The following RGS22 variants were observed in gnomAD, a reference collection of about 807,000 sequenced individuals.
RGS22 encodes regulator of G protein signaling 22, also known as regulator of G-protein signaling 22.
RGS22 carries 148 observed loss-of-function variants against 172.9 expected under a neutral mutation model. The observed-to-expected ratio is 0.86, with a 90% CI of 0.75 to 0.98. The LOEUF (loss-of-function observed/expected upper bound fraction) is 0.98, where lower values mean the gene tolerates loss of function less well. Among genes scored for constraint, RGS22 ranks in the 50% least tolerant of loss-of-function variants. The probability of loss-of-function intolerance (pLI) is 0.00; values close to 1 mark genes in which losing one functional copy is unlikely to be tolerated. For missense variants in RGS22, 1,347 were observed against 1,440.8 expected, an observed-to-expected ratio of 0.93 and a Z score of 1.05; for synonymous variants, 458 against 480.2, an observed-to-expected ratio of 0.95 and a Z score of 0.60.
At chr8:100,045,217 G>A (rs930713800) in intron 11 of RGS22, among the ~76,000 whole-genome samples, 4 of 151,604 alleles carry the variant, frequency 2.6e-5, no homozygotes, top group African/African-American at 9.7e-5. Flanking sequence ...AAGGCTGCAC[G>A]CCATAGCACT....
chr8:100,076,605 G>A (rs906538945), intron 4 of RGS22, among the ~76,000 whole-genome samples: 5 of 152,172 alleles, frequency 3.3e-5, no homozygotes, highest in African/African-American at 9.7e-5. Context: ...TTTGTGGCAC[G>A]ATTTTAAACT....
intron 7 of RGS22, among the ~76,000 whole-genome samples, chr8:100,065,658 C>T (rs1356095662): frequency 1.3e-5 from 2 of 152,096 alleles, no homozygotes; most frequent in South Asian, 2.1e-4. Flanking sequence ...AAGCTCCCCA[C>T]AGTAGAAATT....
intron 14 of RGS22, among the ~76,000 whole-genome samples, chr8:100,031,627 T>A (rs1234715615): frequency 6.6e-6 from 1 of 152,130 alleles, no homozygotes; most frequent in Non-Finnish European, 1.5e-5. Context: ...ATACGTTTAC[T>A]TATTTTTATT....
intron 23 of RGS22, among the ~76,000 whole-genome samples, chr8:99,975,303 AGTG>A (rs1230915391): frequency 6.6e-6 from 1 of 152,192 alleles, no homozygotes; most frequent in Non-Finnish European, 1.5e-5. Flanking sequence ...ATCTGTTTGC[AGTG>A]GTGACAGAAT....
In RGS22 at chr8:100,066,280, G is replaced by C. The variant is rs780532532; in HGVS notation, c.611C>G (p.Thr204Arg). The C allele has an allele frequency of 6.2e-7, 1 of 1,613,152 alleles. No individual in the cohort carries two copies. The highest frequency in any genetic ancestry group is 8.5e-7 in the Non-Finnish European group (1 of 1,179,296). Reference sequence around the variant, plus strand: ...TTTTGCTAATGCAAACCAATCTTTTGTTTGAGTATAGGAAGCCTAGGAAGA... The same window carrying C: ...TTTTGCTAATGCAAACCAATCTTTTCTTTGAGTATAGGAAGCCTAGGAAGA... ...VSLGEASYTQ[T>R]KDWFALAKQS... Residue 204 changes from threonine to arginine, a missense_variant, in exon 7 of 28, where the codon ACA becomes AGA. Coordinates refer to ENST00000360863, the MANE Select transcript of RGS22 (RefSeq NM_015668.5).
At chr8:100,017,107 CTT>C (rs1379048841) in intron 14 of RGS22, among the ~76,000 whole-genome samples, 2 of 145,114 alleles carry the variant, frequency 1.4e-5, no homozygotes, top group Non-Finnish European at 3.0e-5. Flanking sequence ...AAGCAATCCT[CTT>C]GTCAACTTTC....
In RGS22 at chr8:99,961,013, T is replaced by C. The variant is rs563413236; in HGVS notation, c.*229A>G. 3 of 300,162 alleles carry C rather than the reference T, an allele frequency of 1.0e-5. No individual in the cohort carries two copies. The highest frequency in any genetic ancestry group is 1.7e-4 in the East Asian group (2 of 11,736). 18.6% of individuals were successfully genotyped at this position (300,162 alleles called of 1,614,324 possible). A position where few individuals can be genotyped will look rare whatever the true frequency, so the allele number is the denominator to read the frequency against. ...AGTTCTTATAGTCTTGTATGTCATGTGTACAGAATAGCTATAATTTTAAAA... is the reference window on the plus strand; with the variant it reads ...AGTTCTTATAGTCTTGTATGTCATGCGTACAGAATAGCTATAATTTTAAAA... On this transcript the variant is annotated 3_prime_UTR_variant, in exon 28 of 28. Coordinates refer to ENST00000360863, the MANE Select transcript of RGS22 (RefSeq NM_015668.5).
rs150724631 is a variant in RGS22, at chr8:100,052,903, G to A, written c.1588C>T (p.Arg530Cys). 108 of 1,614,060 alleles carry A rather than the reference G, an allele frequency of 6.7e-5. 1 individual carries two copies. The Middle Eastern group carries it at 8.2e-4, about 12-fold the overall frequency. Reference sequence around the variant, plus strand: ...ATATCCTTCCTTGGTTTTGCTTGACGGAGGTGCCAGAATTTCAGTTCAGCA... The same window carrying A: ...ATATCCTTCCTTGGTTTTGCTTGACAGAGGTGCCAGAATTTCAGTTCAGCA... Reference protein sequence around the residue: ...ASAELKFWHLRQAKPRKDIDP... With the variant: ...ASAELKFWHLCQAKPRKDIDP... The change falls in exon 10 of 28, where the codon CGT (arginine) becomes TGT (cysteine). Residue 530 changes from arginine to cysteine, a missense_variant. By Grantham distance (180) the Arg-to-Cys change is radical. Coordinates refer to ENST00000360863, the MANE Select transcript of RGS22 (RefSeq NM_015668.5).
intron 20 of RGS22, among the ~76,000 whole-genome samples, chr8:99,989,315 T>C (rs1419047300): frequency 1.3e-5 from 2 of 152,196 alleles, no homozygotes; most frequent in Non-Finnish European, 2.9e-5. Flanking sequence ...ATCATGCTTG[T>C]TACAAAGTAA....
intron 19 of RGS22, among the ~76,000 whole-genome samples, chr8:99,998,735 C>T (rs929150614): frequency 2.0e-5 from 3 of 152,130 alleles, no homozygotes; most frequent in Admixed American, 6.5e-5. Context: ...ACTGTAACCT[C>T]GATCTCCTAG....
intron 14 of RGS22, among the ~76,000 whole-genome samples, chr8:100,012,128 C>T (rs1816450601): frequency 6.6e-6 from 1 of 151,458 alleles, no homozygotes; most frequent in South Asian, 2.1e-4. Context: ...GACATTAAAG[C>T]AACCAAAGAA....
intron 11 of RGS22, among the ~76,000 whole-genome samples, chr8:100,044,769 AGC>A (rs924461827): frequency 6.6e-6 from 1 of 151,946 alleles, no homozygotes; most frequent in African/African-American, 2.4e-5. Context: ...CCATGCCCAC[AGC>A]TTCAACTACC....
At chr8:100,060,656 A>T (rs1810059127) in intron 9 of RGS22, among the ~76,000 whole-genome samples, 1 of 151,928 alleles carries the variant, frequency 6.6e-6, no homozygotes, top group Non-Finnish European at 1.5e-5. Flanking sequence ...ACATTGCTCA[A>T]AGAAATCAGA....
intron 17 of RGS22, among the ~76,000 whole-genome samples, 157 bp from the exon 18 acceptor site, chr8:100,002,521 C>T (rs1350088332): frequency 6.6e-6 from 1 of 152,092 alleles, no homozygotes; most frequent in Non-Finnish European, 1.5e-5. Flanking sequence ...TATCTCTGAT[C>T]CCTTTCTAGG....
intron 14 of RGS22, among the ~76,000 whole-genome samples, chr8:100,010,192 T>C (rs1343771439): frequency 1.3e-5 from 2 of 151,968 alleles, no homozygotes; most frequent in Non-Finnish European, 2.9e-5. Context: ...ATTTAGAGTT[T>C]AAAACCAACA....
Position 100,008,428 on chromosome 8 carries a change from G to A in RGS22, c.2308C>T (p.Leu770Phe), listed in dbSNP as rs1815981514. Residue 770 changes from leucine (L) to phenylalanine (F), a missense_variant, in exon 15 of 28, where the codon CTT becomes TTT. Transcript: ENST00000360863. ...DTAEEYILLL[L>F]LEPWTKMVKS... ...ACCATCTTTGTCCATGGCTCAAGAA[G>A]GAGGAGAAGGATATATTCCTCTGCT... is the stretch of plus-strand genomic sequence containing the variant. 1 of 1,613,148 alleles carries A rather than the reference G, an allele frequency of 6.2e-7. No homozygotes were observed. Among genetic ancestry groups the A allele is most frequent in the Non-Finnish European group, 8.5e-7 (1 of 1,179,846 alleles).
At chr8:100,006,235 A>G (rs965762755) in intron 15 of RGS22, 126 bp from the exon 16 acceptor site, 1 of 726,660 alleles carries the variant, frequency 1.4e-6, no homozygotes, top group African/African-American at 1.8e-5. Context: ...GGAAGATAAC[A>G]TAGTTTAAAA....
At chr8:100,095,512 G>T (rs1563728687) in intron 2 of RGS22, among the ~76,000 whole-genome samples, 1 of 152,002 alleles carries the variant, frequency 6.6e-6, no homozygotes, top group South Asian at 2.1e-4. Flanking sequence ...TTTCCTTAAC[G>T]TATTTCAGAC....
intron 3 of RGS22, among the ~76,000 whole-genome samples, chr8:100,084,309 T>TA (rs1204295322): frequency 6.6e-6 from 1 of 152,220 alleles, no homozygotes; most frequent in Admixed American, 6.5e-5. Context: ...CTTACAAAAA[T>TA]ACTTGAATTC....
Sources: allele counts gnomAD v4.1 joint callset (sites outside exome capture counted in the v4.1 genomes callset), GRCh38; gene constraint gnomAD v4.1.1; transcripts MANE v1.5; gene names NCBI Gene and HGNC (gene_info 2026-07-23, HGNC 2026-07-21).